Variants in ZFP1 observed in about 807,000 individuals in gnomAD.
The protein encoded by ZFP1 is zinc finger protein 1 homolog.
A neutral mutation model predicts 38.5 loss-of-function variants in ZFP1; 32 were observed. The observed-to-expected ratio is 0.83, with a 90% CI of 0.63 to 1.12. The LOEUF (loss-of-function observed/expected upper bound fraction) is 1.12, where lower values mean the gene tolerates loss of function less well. Ranked by LOEUF, ZFP1 falls within the 50% of genes most tolerant of loss-of-function variation. The pLI is 0.00. For synonymous variants in ZFP1, 245 were observed against 168.8 expected (o/e 1.45, Z -3.50); for missense variants, 616 against 480.8 (o/e 1.28, Z -2.63).
intron 2 of ZFP1, among the ~76,000 whole-genome samples, chr16:75,164,591 G>C (rs900891117): frequency 6.6e-6 from 1 of 152,116 alleles, no homozygotes; most frequent in African/African-American, 2.4e-5. Context: ...AATAATGCCT[G>C]ATACTTGACA....
chr16:75,140,701 T>C, the ZFP1 span, among the ~76,000 whole-genome samples: 3 of 152,322 alleles, frequency 2.0e-5, no homozygotes, highest in African/African-American at 7.2e-5. Context: ...GGCTCACGCC[T>C]GTAATCCCAG....
chr16:75,150,374 A>T (rs2037133663), intron 1 of ZFP1, among the ~76,000 whole-genome samples: 1 of 48,520 alleles, frequency 2.1e-5, no homozygotes, highest in Non-Finnish European at 5.1e-5. Context: ...ACACCTGGCT[A>T]ATTTTTTTAT....
chr16:75,128,810 A>G, the ZFP1 span, among the ~76,000 whole-genome samples: 47,893 of 152,092 alleles, frequency 0.31, 7,744 homozygotes, highest in Non-Finnish European at 0.34. Flanking sequence ...TTTTTGAGAC[A>G]GAGTTTTGCT....
chr16:75,149,180 T>C (rs1343839525), intron 1 of ZFP1: 1 of 152,226 alleles, frequency 6.6e-6, no homozygotes, highest in Non-Finnish European at 1.5e-5. Context: ...CTTCCAGCGT[T>C]ATCATCTCCG....
At chr16:75,142,313 G>A in the ZFP1 span, among the ~76,000 whole-genome samples, 1 of 151,484 alleles carries the variant, frequency 6.6e-6, no homozygotes, top group South Asian at 2.1e-4. Context: ...GTTGCAGTGA[G>A]CTGAGATCAC....
intron 2 of ZFP1, 65 bp downstream of exon 2, chr16:75,153,031 G>T (rs1322596513): frequency 6.3e-7 from 1 of 1,585,336 alleles, no homozygotes; most frequent in African/African-American, 1.4e-5. Flanking sequence ...TAAGGATCCA[G>T]AAAATGAAAT....
chr16:75,171,220 T>C lies in ZFP1; in HGVS notation c.*886T>C, dbSNP rs2038411798. 1 of 152,230 alleles carries C rather than the reference T, an allele frequency of 6.6e-6. No individual in the cohort carries two copies. The highest frequency in any genetic ancestry group is 6.5e-5 in the Admixed American group (1 of 15,280). 9.4% of individuals were successfully genotyped at this position (152,230 alleles called of 1,614,324 possible). ...TAACACAGACAGAAACCACCTGTTT[T>C]TGTCTTTCCTTGTTTCCCTTAATAT... On this transcript the variant is annotated 3_prime_UTR_variant, in exon 4 of 4. Coordinates refer to ENST00000570010, the MANE Select transcript of ZFP1 (RefSeq NM_153688.4).
chr16:75,127,672 C>T, the ZFP1 span, among the ~76,000 whole-genome samples: 1 of 152,054 alleles, frequency 6.6e-6, no homozygotes, highest in Non-Finnish European at 1.5e-5. Flanking sequence ...ATTGTGACAT[C>T]AGCATAAAGG....
chr16:75,139,738 C>T, the ZFP1 span, among the ~76,000 whole-genome samples: 6 of 152,128 alleles, frequency 3.9e-5, no homozygotes, highest in East Asian at 7.7e-4. Flanking sequence ...TACTTAGAGT[C>T]ATCAAAATTC....
intron 2 of ZFP1, among the ~76,000 whole-genome samples, chr16:75,153,920 T>G (rs2037339128): frequency 6.6e-6 from 1 of 152,238 alleles, no homozygotes; most frequent in Non-Finnish European, 1.5e-5. Flanking sequence ...TCGTGTCTTT[T>G]CTAGAATGTC....
the ZFP1 span, among the ~76,000 whole-genome samples, chr16:75,123,459 A>ATG: frequency 3.2e-5 from 1 of 31,620 alleles, no homozygotes; most frequent in Non-Finnish European, 5.4e-5. Flanking sequence ...GTATATGTAT[A>ATG]TATATATATA....
chr16:75,119,630 C>G, the ZFP1 span: 1 of 152,136 alleles, frequency 6.6e-6, no homozygotes, highest in Non-Finnish European at 1.5e-5. Flanking sequence ...AAGATTACAA[C>G]CAGCTGGTCT....
intron 2 of ZFP1, among the ~76,000 whole-genome samples, chr16:75,155,288 T>C (rs1700674019): frequency 6.6e-6 from 1 of 152,172 alleles, no homozygotes; most frequent in African/African-American, 2.4e-5. Flanking sequence ...CATGCCGCCA[T>C]GCTTACCTAA....
At chr16:75,121,070 G>T in the ZFP1 span, among the ~76,000 whole-genome samples, 2 of 152,138 alleles carry the variant, frequency 1.3e-5, no homozygotes, top group African/African-American at 4.8e-5. Flanking sequence ...AGGATTCAGT[G>T]TGGGCTCTGC....
Position 75,170,024 on chromosome 16 carries a change from T to A in ZFP1, c.914T>A (p.Phe305Tyr). 6.2e-7 allele frequency: 1 copy of A among 1,614,136 alleles called. No homozygotes were observed. The change falls in exon 4 of 4, where the codon TTC (phenylalanine) becomes TAC (tyrosine). Residue 305 changes from phenylalanine to tyrosine, a missense_variant. Coordinates refer to ENST00000570010, the MANE Select transcript of ZFP1 (RefSeq NM_153688.4). ...GAGTGTAACGAATGTGCAAAAACCTTCTTTAAGAAGTCAAACCTTATCATA... is the reference window on the plus strand; with the variant it reads ...GAGTGTAACGAATGTGCAAAAACCTACTTTAAGAAGTCAAACCTTATCATA... ...PYECNECAKT[F>Y]FKKSNLIIHQ...
chr16:75,124,038 A>G, the ZFP1 span, among the ~76,000 whole-genome samples: 141,188 of 151,580 alleles, frequency 0.93, 65,887 homozygotes, highest in African/African-American at 0.98. Context: ...AGGTTGCAGT[A>G]AGCCAAGATT....
the ZFP1 span, among the ~76,000 whole-genome samples, chr16:75,134,675 C>T: frequency 1.3e-5 from 2 of 150,636 alleles, no homozygotes; most frequent in East Asian, 2.0e-4. Context: ...TGGCGTGAAC[C>T]GGGAGGCAGA....
the ZFP1 span, among the ~76,000 whole-genome samples, chr16:75,140,908 G>A: frequency 6.6e-6 from 1 of 151,950 alleles, no homozygotes; most frequent in Admixed American, 6.6e-5. Context: ...GCAGTGAGCC[G>A]AGATCGCACC....
At chr16:75,145,302 A>G (rs1444573692), upstream of ZFP1, among the ~76,000 whole-genome samples, 1 of 152,226 alleles carries the variant, frequency 6.6e-6, no homozygotes, top group East Asian at 1.9e-4. Flanking sequence ...AGCAACAGGA[A>G]TTCTTATTCA....
Sources: gnomAD v4.1 joint callset for allele counts (sites outside exome capture counted in the v4.1 genomes callset) on GRCh38, gnomAD v4.1.1 for gene constraint, MANE v1.5 for transcripts, NCBI Gene and HGNC (gene_info 2026-07-23, HGNC 2026-07-21) for gene names.